EFCAB11: variants seen among roughly 807,000 people sequenced by gnomAD.
EFCAB11 encodes the protein EF-hand calcium binding domain 11.
In EFCAB11, 14 loss-of-function variants were observed where a neutral mutation model predicts 23.0. That is an observed-to-expected ratio of 0.61 (90% CI 0.40 to 0.95). The LOEUF (loss-of-function observed/expected upper bound fraction) is 0.95, where lower values mean the gene tolerates loss of function less well. Ranked by LOEUF, EFCAB11 falls within the 40% of genes least tolerant of loss-of-function variation. The pLI, the probability that EFCAB11 is intolerant of heterozygous loss-of-function variation, is 0.00. For missense variants in EFCAB11, 198 were observed against 195.8 expected (o/e 1.01, Z -0.07); for synonymous variants, 65 against 66.6 (o/e 0.98, Z 0.11).
intron 5 of EFCAB11, among the ~76,000 whole-genome samples, chr14:89,905,996 A>T (rs1889484172): frequency 6.6e-6 from 1 of 152,154 alleles, no homozygotes; most frequent in South Asian, 2.1e-4. Context: ...ACTCAAGGTG[A>T]CAACAAGCAA....
chr14:89,924,051 A>T, intron 5 of EFCAB11: 1 of 985,552 alleles, frequency 1.0e-6, no homozygotes, highest in Non-Finnish European at 1.2e-6. Flanking sequence ...GTGATATAAC[A>T]TCTATATAAT....
chr14:89,824,238 C>T (rs914033168), intron 5 of EFCAB11, among the ~76,000 whole-genome samples: 1 of 152,142 alleles, frequency 6.6e-6, no homozygotes, highest in Admixed American at 6.5e-5. Flanking sequence ...GACTTCTCAT[C>T]AGACACCATG....
intron 5 of EFCAB11, among the ~76,000 whole-genome samples, chr14:89,825,102 C>CAAAA (rs35074143): frequency 5.0e-5 from 3 of 60,200 alleles, no homozygotes; most frequent in African/African-American, 1.1e-4. Context: ...ATGCTGGGAC[C>CAAAA]AAAAAAAAAA....
At chr14:89,936,354 T>C (rs1336229522) in intron 3 of EFCAB11, among the ~76,000 whole-genome samples, 2 of 152,220 alleles carry the variant, frequency 1.3e-5, no homozygotes, top group African/African-American at 4.8e-5. Context: ...CTGTGAAGTA[T>C]TCAGGTCTTT....
intron 5 of EFCAB11, among the ~76,000 whole-genome samples, chr14:89,803,921 TAAGAA>T (rs1207676329): frequency 6.6e-6 from 1 of 152,088 alleles, no homozygotes; most frequent in Non-Finnish European, 1.5e-5. Flanking sequence ...AGACATGTGT[TAAGAA>T]AAGCCATTCG....
chr14:89,811,358 T>C (rs1886145594), intron 5 of EFCAB11, among the ~76,000 whole-genome samples: 3 of 152,166 alleles, frequency 2.0e-5, no homozygotes, highest in Admixed American at 6.5e-5. Context: ...AGGGGGCCGA[T>C]GTGCTTGATA....
chr14:89,829,451 C>T (rs957783942), intron 5 of EFCAB11, among the ~76,000 whole-genome samples: 5 of 152,134 alleles, frequency 3.3e-5, no homozygotes, highest in African/African-American at 1.2e-4. Flanking sequence ...ACGATGATGA[C>T]CAATAGGCTG....
chr14:89,949,324 C>G (rs1393369185), intron 3 of EFCAB11, among the ~76,000 whole-genome samples: 1 of 151,782 alleles, frequency 6.6e-6, no homozygotes, highest in Non-Finnish European at 1.5e-5. Context: ...CAACGGGAAA[C>G]AAAATAAAGA....
chr14:89,814,027 T>C (rs1458411207), intron 5 of EFCAB11, among the ~76,000 whole-genome samples: 3 of 151,462 alleles, frequency 2.0e-5, no homozygotes, highest in Non-Finnish European at 4.4e-5. Flanking sequence ...GTAATAAATA[T>C]ATCCCCATAT....
intron 5 of EFCAB11, among the ~76,000 whole-genome samples, chr14:89,882,793 T>C (rs781402853): frequency 3.9e-4 from 60 of 152,078 alleles, no homozygotes; most frequent in Non-Finnish European, 1.6e-4. Context: ...ATGGTTTGGA[T>C]GTTTGTCCCC....
chr14:89,811,093 TAA>T (rs1886137167), intron 5 of EFCAB11, among the ~76,000 whole-genome samples: 1 of 151,528 alleles, frequency 6.6e-6, no homozygotes, highest in African/African-American at 2.4e-5. Flanking sequence ...ATGGAGCTAA[TAA>T]GAGAGGTGCA....
chr14:89,852,154 T>C (rs1887618578), intron 5 of EFCAB11, among the ~76,000 whole-genome samples: 2 of 152,230 alleles, frequency 1.3e-5, no homozygotes, highest in South Asian at 4.1e-4. Flanking sequence ...GTATCATAGA[T>C]GGGACAACTG....
intron 5 of EFCAB11, among the ~76,000 whole-genome samples, chr14:89,926,318 G>A (rs1890192512): frequency 1.3e-5 from 2 of 152,218 alleles, no homozygotes; most frequent in South Asian, 4.1e-4. Context: ...TGTGGAAAAA[G>A]TTATAATTAG....
intron 3 of EFCAB11, among the ~76,000 whole-genome samples, chr14:89,944,322 C>G (rs1049908032): frequency 6.6e-6 from 1 of 152,206 alleles, no homozygotes. Context: ...ATCACAAGAA[C>G]AGCCTGGGAA....
At chr14:89,935,442 C>T (rs1376675825) in intron 3 of EFCAB11, among the ~76,000 whole-genome samples, 1 of 146,934 alleles carries the variant, frequency 6.8e-6, no homozygotes, top group Admixed American at 6.8e-5. Context: ...TGCTCTCTTG[C>T]CCAGGCTGGA....
chr14:89,832,400 T>G (rs10873400), intron 5 of EFCAB11, among the ~76,000 whole-genome samples: 22,598 of 152,070 alleles, frequency 0.15, 2,270 homozygotes, highest in East Asian at 0.51. Flanking sequence ...TGTTTTTAAA[T>G]TTTTAAATGT....
intron 5 of EFCAB11, among the ~76,000 whole-genome samples, chr14:89,911,713 C>T (rs1889683287): frequency 6.6e-6 from 1 of 152,244 alleles, no homozygotes; most frequent in Non-Finnish European, 1.5e-5. Flanking sequence ...ATGCTGGGAA[C>T]AGAGTCCTGC....
At chr14:89,894,896 T>A (rs1304952484) in intron 5 of EFCAB11, among the ~76,000 whole-genome samples, 2 of 152,162 alleles carry the variant, frequency 1.3e-5, no homozygotes, top group African/African-American at 4.8e-5. Context: ...CGATAAAATA[T>A]GTAGGAAGAA....
chr14:89,824,076 G>A (rs1886612482), intron 5 of EFCAB11, among the ~76,000 whole-genome samples: 7 of 152,040 alleles, frequency 4.6e-5, no homozygotes, highest in Admixed American at 4.6e-4. Flanking sequence ...ACAGATCCAA[G>A]AAGCTCAATG....
Sources: allele counts gnomAD v4.1 joint callset (sites outside exome capture counted in the v4.1 genomes callset), GRCh38; gene constraint gnomAD v4.1.1; transcripts MANE v1.5; gene names NCBI Gene and HGNC (gene_info 2026-07-23, HGNC 2026-07-21).